The following KCNH1 variants were observed in gnomAD, a reference collection of about 807,000 sequenced individuals.
KCNH1 encodes the protein voltage-gated delayed rectifier potassium channel KCNH1.
In KCNH1, 27 loss-of-function variants were observed where a neutral mutation model predicts 69.2. The observed-to-expected ratio is 0.39, with a 90% CI of 0.29 to 0.54. The LOEUF is 0.54. Ranked by LOEUF, KCNH1 falls within the 20% of genes least tolerant of loss-of-function variation. KCNH1 has a pLI of 0.68. For missense variants in KCNH1, 798 were observed against 1,261.6 expected (o/e 0.63, Z 5.57); for synonymous variants, 456 against 487.7 (o/e 0.93, Z 0.86).
chr1:210,982,324 G>C (rs563274496), intron 6 of KCNH1, among the ~76,000 whole-genome samples: 1 of 152,090 alleles, frequency 6.6e-6, no homozygotes, highest in Non-Finnish European at 1.5e-5. Flanking sequence ...CAACGTGCAG[G>C]TTTGTTACAT....
chr1:210,757,975 G>A (rs79411086), intron 10 of KCNH1, among the ~76,000 whole-genome samples: 4,128 of 152,288 alleles, frequency 0.027, 115 homozygotes, highest in East Asian at 0.14. Context: ...CTCCTCCAGC[G>A]GATACTGAGG....
chr1:211,022,708 C>G (rs1689608084), intron 5 of KCNH1, among the ~76,000 whole-genome samples: 1 of 151,974 alleles, frequency 6.6e-6, no homozygotes, highest in Non-Finnish European at 1.5e-5. Context: ...AAATGGCTAA[C>G]AGGGATATGA....
At chr1:210,871,043 T>A (rs1429121488) in intron 7 of KCNH1, among the ~76,000 whole-genome samples, 2 of 152,026 alleles carry the variant, frequency 1.3e-5, no homozygotes, top group African/African-American at 4.8e-5. Context: ...AAGCCAAAAT[T>A]GACAAATGGG....
intron 7 of KCNH1, among the ~76,000 whole-genome samples, chr1:210,855,493 G>T (rs568956367): frequency 5.9e-5 from 9 of 152,338 alleles, no homozygotes; most frequent in African/African-American, 1.4e-4. Flanking sequence ...CCAGGCTGCA[G>T]ATGTCTGTTG....
intron 6 of KCNH1, among the ~76,000 whole-genome samples, chr1:210,930,523 A>T (rs1040835959): frequency 3.9e-5 from 6 of 152,244 alleles, no homozygotes; most frequent in African/African-American, 1.4e-4. Flanking sequence ...CACCTTATAC[A>T]AAAATCAACT....
intron 7 of KCNH1, among the ~76,000 whole-genome samples, chr1:210,835,127 CA>C (rs2102445173): frequency 6.6e-6 from 1 of 152,128 alleles, no homozygotes; most frequent in Non-Finnish European, 1.5e-5. Flanking sequence ...AATTCTTTAC[CA>C]AACTTAATGT....
At chr1:210,885,746 C>T (rs1686590081) in intron 7 of KCNH1, among the ~76,000 whole-genome samples, 1 of 152,150 alleles carries the variant, frequency 6.6e-6, no homozygotes, top group Non-Finnish European at 1.5e-5. Flanking sequence ...GAGTAGGCTA[C>T]TTTCCCCTCA....
intron 5 of KCNH1, among the ~76,000 whole-genome samples, chr1:211,023,217 G>A (rs964334433): frequency 1.3e-5 from 2 of 151,614 alleles, no homozygotes; most frequent in South Asian, 2.1e-4. Flanking sequence ...ACTTTTGTTG[G>A]GGATGTAAAT....
In KCNH1 at chr1:210,683,457, C is replaced by T. The variant is rs370643808; in HGVS notation, c.2794G>A (p.Glu932Lys). Residue 932 changes from glutamate (E) to lysine (K), a missense_variant, in exon 11 of 11, where the codon GAG becomes AAG. Coordinates refer to ENST00000271751, the MANE Select transcript of KCNH1 (RefSeq NM_172362.3). The surrounding 1 kb of genome is among the most constrained non-coding windows in gnomAD (Gnocchi z 5.7). Reference protein sequence around the residue: ...LQATVLEVRHELKEDIKALNA... With the variant: ...LQATVLEVRHKLKEDIKALNA... ...AAGGCCTTGATGTCCTCCTTCAGCTCGTGCCTCACCTCCAGGACTGTGGCC... is the reference window on the plus strand; with the variant it reads ...AAGGCCTTGATGTCCTCCTTCAGCTTGTGCCTCACCTCCAGGACTGTGGCC... 9.3e-6 allele frequency: 15 copies of T among 1,613,998 alleles called. No individual in the cohort carries two copies. Among genetic ancestry groups the T allele is most frequent in the Admixed American group, 1.7e-5 (1 of 59,998 alleles).
intron 6 of KCNH1, among the ~76,000 whole-genome samples, chr1:210,954,999 T>C (rs527286037): frequency 6.6e-4 from 100 of 152,354 alleles, no homozygotes; most frequent in Non-Finnish European, 1.1e-3. Flanking sequence ...TGAATGGTAT[T>C]GCCTAGGTTT....
intron 10 of KCNH1, among the ~76,000 whole-genome samples, chr1:210,768,820 G>T (rs139893248): frequency 1.9e-3 from 288 of 152,182 alleles, no homozygotes; most frequent in Middle Eastern, 0.01. Context: ...TCCACCTCCA[G>T]CATCATCATG....
intron 7 of KCNH1, among the ~76,000 whole-genome samples, chr1:210,871,447 G>T (rs1325739001): frequency 2.0e-5 from 3 of 152,208 alleles, no homozygotes; most frequent in Non-Finnish European, 4.4e-5. Context: ...CTTTTACACT[G>T]TTGGTGGGAC....
rs1162960206 is a variant in KCNH1, at chr1:210,804,004, G to GT, written c.1624_1625insA (p.Ser542TyrfsTer10). 6.2e-7 allele frequency: 1 copy of GT among 1,614,138 alleles called. No individual in the cohort carries two copies. Among genetic ancestry groups the GT allele is most frequent in the Non-Finnish European group, 8.5e-7 (1 of 1,180,018 alleles). Reference sequence around the variant, plus strand: ...AATGCCTCTGGACATGGACCAAGTGGACACAATATAATCCATTACTCGCTC... The same window carrying GT: ...AATGCCTCTGGACATGGACCAAGTGGTACACAATATAATCCATTACTCGCTC... On this transcript the variant is annotated frameshift_variant, in exon 8 of 11. Transcript: ENST00000271751. LOFTEE classifies it high-confidence loss of function.
chr1:210,945,503 G>A (rs1434005015), intron 6 of KCNH1, among the ~76,000 whole-genome samples: 1 of 152,184 alleles, frequency 6.6e-6, no homozygotes, highest in Non-Finnish European at 1.5e-5. Context: ...AGGATGTGTA[G>A]GAGGCCAGAG....
chr1:211,093,362 T>C (rs1168421062), intron 3 of KCNH1, among the ~76,000 whole-genome samples: 1 of 152,242 alleles, frequency 6.6e-6, no homozygotes, highest in Non-Finnish European at 1.5e-5. Flanking sequence ...CTCGGCTCAC[T>C]GCAACCTCCA....
At chr1:210,709,829 C>T (rs1163112835) in intron 10 of KCNH1, among the ~76,000 whole-genome samples, 1 of 152,150 alleles carries the variant, frequency 6.6e-6, no homozygotes, top group Non-Finnish European at 1.5e-5. Context: ...GGAGCTCTCC[C>T]ATACAGTGCT....
Position 210,683,903 on chromosome 1 carries a change from A to T in KCNH1, c.2348T>A (p.Val783Glu), listed in dbSNP as rs143947881. Reference protein sequence around the residue: ...TEHASANHSLVKASVVTVRES... With the variant: ...TEHASANHSLEKASVVTVRES... ...ACGCACGGTGACCACGCTGGCCTTC[A>T]CGAGGCTGTGGTTGGCGGAGGCATG... The change falls in exon 11 of 11, where the codon GTG becomes GAG. Residue 783 changes from valine (V) to glutamate (E), a missense_variant. By Grantham distance (121) the Val-to-Glu change is moderately radical. This residue lies in a region of KCNH1 where 331 missense variants were observed against 363.2 expected (regional missense o/e 0.91). Coordinates refer to ENST00000271751, the MANE Select transcript of KCNH1 (RefSeq NM_172362.3). This position sits in a 1 kb window ranked among gnomAD's most constrained non-coding sequence, Gnocchi z 5.7. 7.4e-6 allele frequency: 12 copies of T among 1,613,252 alleles called. No homozygotes were observed. In the African/African-American group the frequency reaches 1.5e-4, roughly 20 times the overall value.
chr1:210,844,834 G>C (rs748592993), intron 7 of KCNH1, among the ~76,000 whole-genome samples: 22 of 152,044 alleles, frequency 1.4e-4, no homozygotes, highest in Non-Finnish European at 2.2e-4. Flanking sequence ...TCGCTAGCAA[G>C]ACTAATAAAG....
intron 10 of KCNH1, among the ~76,000 whole-genome samples, chr1:210,687,838 A>C (rs1681438543): frequency 6.6e-6 from 1 of 152,178 alleles, no homozygotes; most frequent in African/African-American, 2.4e-5. Flanking sequence ...CAGCCACAGC[A>C]GCTCTCCGTC....
Sources: gnomAD v4.1 joint callset for allele counts (sites outside exome capture counted in the v4.1 genomes callset) on GRCh38, gnomAD v4.1.1 for gene constraint, gnomAD v4.1.1 regional missense constraint, Gnocchi (gnomAD v3.1) non-coding constraint, MANE v1.5 for transcripts, NCBI Gene and HGNC (gene_info 2026-07-23, HGNC 2026-07-21) for gene names.